Variants in BMPR1B observed in about 807,000 individuals in gnomAD.
The protein encoded by BMPR1B is bone morphogenetic protein receptor type 1B.
In BMPR1B, 12 loss-of-function variants were observed where a neutral mutation model predicts 59.1. That is an observed-to-expected ratio of 0.20 (90% CI 0.13 to 0.33). The LOEUF is 0.33. Among genes scored for constraint, BMPR1B ranks in the 10% least tolerant of loss-of-function variants. The pLI is 1.00. For synonymous variants in BMPR1B, 237 were observed against 207.3 expected (o/e 1.14, Z -1.23); for missense variants, 550 against 610.9 (o/e 0.90, Z 1.05).
At chr4:94,811,231 G>C (rs1723800504) in intron 1 of BMPR1B, among the ~76,000 whole-genome samples, 1 of 152,174 alleles carries the variant, frequency 6.6e-6, no homozygotes, top group Non-Finnish European at 1.5e-5. Flanking sequence ...TGGCTGATTA[G>C]CAATGCAAGG....
chr4:94,932,002 C>T (rs114683323), intron 2 of BMPR1B, among the ~76,000 whole-genome samples: 2,793 of 152,106 alleles, frequency 0.018, 33 homozygotes, highest in Non-Finnish European at 0.029. Flanking sequence ...TCATGGTGTT[C>T]GCATCACAAT....
At chr4:94,866,595 T>C (rs541137186) in intron 1 of BMPR1B, among the ~76,000 whole-genome samples, 1 of 152,226 alleles carries the variant, frequency 6.6e-6, no homozygotes, top group East Asian at 1.9e-4. Context: ...TGTTTGTATG[T>C]TTGTTTTTGA....
chr4:95,043,897 T>G, intron 3 of BMPR1B, among the ~76,000 whole-genome samples: 1 of 152,244 alleles, frequency 6.6e-6, no homozygotes, highest in South Asian at 2.1e-4. Context: ...ACAGTATTTG[T>G]ATTAGGTGAA....
At chr4:94,982,857 C>T (rs1387915671) in intron 2 of BMPR1B, among the ~76,000 whole-genome samples, 2 of 151,802 alleles carry the variant, frequency 1.3e-5, no homozygotes, top group Non-Finnish European at 2.9e-5. Flanking sequence ...TGATGGTGGG[C>T]GCCTGTAGTC....
chr4:94,788,309 CA>C (rs1722836364), intron 1 of BMPR1B, among the ~76,000 whole-genome samples: 1 of 152,032 alleles, frequency 6.6e-6, no homozygotes, highest in Non-Finnish European at 1.5e-5. Context: ...CTGTGAACAC[CA>C]GGAGGAGTTA....
intron 2 of BMPR1B, among the ~76,000 whole-genome samples, chr4:94,961,310 T>C (rs1215441121): frequency 6.6e-6 from 1 of 152,140 alleles, no homozygotes; most frequent in Non-Finnish European, 1.5e-5. Context: ...TCTAGGACAA[T>C]GGCCGTTTTT....
chr4:94,934,577 C>T (rs1478601560), intron 2 of BMPR1B, among the ~76,000 whole-genome samples: 3 of 150,268 alleles, frequency 2.0e-5, no homozygotes, highest in African/African-American at 7.4e-5. Flanking sequence ...CAGGATACGA[C>T]TGAGACTTAA....
At chr4:94,879,166 C>T (rs1010777763) in intron 2 of BMPR1B, among the ~76,000 whole-genome samples, 3 of 152,128 alleles carry the variant, frequency 2.0e-5, no homozygotes, top group Non-Finnish European at 2.9e-5. Flanking sequence ...AGATGAGTAC[C>T]ATTTCCAGCA....
chr4:94,987,578 C>T (rs1004350493), intron 2 of BMPR1B, among the ~76,000 whole-genome samples: 25 of 152,084 alleles, frequency 1.6e-4, no homozygotes, highest in African/African-American at 5.8e-4. Context: ...TTCCCCTTTC[C>T]ATTCTGATGT....
chr4:95,070,344 T>C (rs1022766987), intron 3 of BMPR1B, among the ~76,000 whole-genome samples: 1 of 152,132 alleles, frequency 6.6e-6, no homozygotes, highest in African/African-American at 2.4e-5. Context: ...GGATTGGGCA[T>C]AGCGAATATA....
chr4:95,028,980 G>T (rs1724615991), intron 3 of BMPR1B, among the ~76,000 whole-genome samples: 2 of 151,744 alleles, frequency 1.3e-5, no homozygotes, highest in South Asian at 4.2e-4. Context: ...TTTGTTAGAG[G>T]TAAAGTTTAT....
chr4:95,105,890 A>G (rs1731168320), intron 4 of BMPR1B, among the ~76,000 whole-genome samples: 1 of 152,068 alleles, frequency 6.6e-6, no homozygotes, highest in Non-Finnish European at 1.5e-5. Flanking sequence ...CAAACAAAGT[A>G]GCGTGGGGTA....
chr4:94,823,901 C>T (rs772035884), intron 1 of BMPR1B, among the ~76,000 whole-genome samples: 3 of 152,122 alleles, frequency 2.0e-5, no homozygotes, highest in Non-Finnish European at 4.4e-5. Context: ...GTGCCTGCCA[C>T]CACGCCTGGC....
intron 1 of BMPR1B, among the ~76,000 whole-genome samples, chr4:94,839,329 CT>C (rs1292882795): frequency 7.0e-6 from 1 of 142,460 alleles, no homozygotes; most frequent in Non-Finnish European, 1.5e-5. Context: ...GACTTTCTGT[CT>C]CGTTGATCTG....
intron 2 of BMPR1B, among the ~76,000 whole-genome samples, chr4:94,993,247 G>A (rs1545327): frequency 0.96 from 145,387 of 152,140 alleles, 69,499 homozygotes; most frequent in Middle Eastern, 0.99. Flanking sequence ...TGAATGGGTA[G>A]TTTTAATGGA....
chr4:95,124,922 A>G (rs1235226432), intron 7 of BMPR1B, 61 bp from the exon 8 acceptor site: 11 of 1,500,008 alleles, frequency 7.3e-6, no homozygotes, highest in South Asian at 1.1e-5. Context: ...TTTTAGTTGC[A>G]ATATTTTACT....
At chr4:94,797,624 A>T (rs1029988907) in intron 1 of BMPR1B, among the ~76,000 whole-genome samples, 1 of 152,194 alleles carries the variant, frequency 6.6e-6, no homozygotes, top group African/African-American at 2.4e-5. Flanking sequence ...TGGACTATGT[A>T]GTGTTCCCCA....
At chr4:95,026,079 G>A (rs139683483) in intron 3 of BMPR1B, among the ~76,000 whole-genome samples, 241 of 98,760 alleles carry the variant, frequency 2.4e-3, no homozygotes, top group African/African-American at 7.3e-3. Context: ...ATGCTTGGCT[G>A]GCTGGATTGC....
At chr4:94,785,531 G>A (rs1318099216) in intron 1 of BMPR1B, among the ~76,000 whole-genome samples, 6 of 152,164 alleles carry the variant, frequency 3.9e-5, no homozygotes, top group Non-Finnish European at 5.9e-5. Flanking sequence ...TGGGGGTGGG[G>A]CATGGATAAC....
Sources: allele counts gnomAD v4.1 joint callset (sites outside exome capture counted in the v4.1 genomes callset), GRCh38; gene constraint gnomAD v4.1.1; transcripts MANE v1.5; gene names NCBI Gene and HGNC (gene_info 2026-07-23, HGNC 2026-07-21).